Variants in NKAIN3 observed in about 807,000 individuals in gnomAD.
The protein encoded by NKAIN3 is sodium/potassium transporting ATPase interacting 3, also known as sodium/potassium-transporting ATPase subunit beta-1-interacting protein 3.
NKAIN3 carries 25 observed loss-of-function variants against 30.2 expected under a neutral mutation model. That is an observed-to-expected ratio of 0.83 (90% CI 0.60 to 1.16). The LOEUF (loss-of-function observed/expected upper bound fraction) is 1.16, where lower values mean the gene tolerates loss of function less well. Ranked by LOEUF, NKAIN3 falls within the 50% of genes most tolerant of loss-of-function variation. NKAIN3 has a pLI of 0.00. For missense variants in NKAIN3, 225 were observed against 254.1 expected (o/e 0.89, Z 0.78); for synonymous variants, 91 against 89.6 (o/e 1.02, Z -0.09).
chr8:62,743,984 A>G (rs1447466513), intron 3 of NKAIN3, among the ~76,000 whole-genome samples: 2 of 152,180 alleles, frequency 1.3e-5, no homozygotes, highest in African/African-American at 2.4e-5. Context: ...CAAGTGATAG[A>G]GTAATATTTC....
intron 3 of NKAIN3, among the ~76,000 whole-genome samples, chr8:62,698,122 T>C (rs533726149): frequency 6.6e-6 from 1 of 151,560 alleles, no homozygotes; most frequent in South Asian, 2.1e-4. Flanking sequence ...AACTGGGAAA[T>C]AGAAAAAAAA....
intron 4 of NKAIN3, among the ~76,000 whole-genome samples, chr8:62,813,915 A>G (rs1818578135): frequency 1.3e-5 from 2 of 152,020 alleles, no homozygotes; most frequent in South Asian, 4.1e-4. Flanking sequence ...TGCTGTATAT[A>G]ATATTCTTGA....
At chr8:62,641,999 G>A (rs1049196612) in intron 3 of NKAIN3, among the ~76,000 whole-genome samples, 2 of 152,002 alleles carry the variant, frequency 1.3e-5, no homozygotes, top group African/African-American at 4.8e-5. Context: ...AGAATGCTGG[G>A]ATGCAACCTG....
intron 3 of NKAIN3, among the ~76,000 whole-genome samples, chr8:62,693,329 T>A (rs1350136961): frequency 6.6e-6 from 1 of 152,232 alleles, no homozygotes; most frequent in Non-Finnish European, 1.5e-5. Flanking sequence ...ATACACCTCA[T>A]TACAAGAGGC....
At position 62,983,519 on chromosome 8, in the gene NKAIN3, A is replaced by G. The variant is rs140786857; in HGVS notation, c.*18112A>G. 1 of 152,146 alleles carries G rather than the reference A, an allele frequency of 6.6e-6. No homozygotes were observed. The highest frequency in any genetic ancestry group is 1.5e-5 in the Non-Finnish European group (1 of 68,030). The allele number at this position is 152,146 out of a possible 1,614,324, so 9.4% of individuals were successfully genotyped here. Reference sequence around the variant, plus strand: ...TTGGGGAGTGATAAAAACAAATCAAATTCACATTTTAATTTAGGGAGTTTA... The same window carrying G: ...TTGGGGAGTGATAAAAACAAATCAAGTTCACATTTTAATTTAGGGAGTTTA... On this transcript the variant is annotated 3_prime_UTR_variant, in exon 7 of 7. Coordinates refer to ENST00000623646, the MANE Select transcript of NKAIN3 (RefSeq NM_001304533.3).
intron 3 of NKAIN3, among the ~76,000 whole-genome samples, chr8:62,679,756 G>C (rs1459988596): frequency 6.6e-6 from 1 of 152,070 alleles, no homozygotes; most frequent in Non-Finnish European, 1.5e-5. Flanking sequence ...AGAATAGCAG[G>C]GGTGGTGTTA....
At chr8:62,950,171 T>A (rs558874983) in intron 5 of NKAIN3, among the ~76,000 whole-genome samples, 1 of 152,200 alleles carries the variant, frequency 6.6e-6, no homozygotes. Flanking sequence ...TTTTGTTAAG[T>A]GTTCTATTTC....
chr8:62,292,216 G>C (rs564757826), intron 1 of NKAIN3, among the ~76,000 whole-genome samples: 50 of 152,248 alleles, frequency 3.3e-4, no homozygotes, highest in African/African-American at 1.2e-3. Flanking sequence ...CTTTTAATTG[G>C]AGCATTAAGC....
chr8:62,430,367 G>T (rs1804953903), intron 1 of NKAIN3, among the ~76,000 whole-genome samples: 1 of 2,178 alleles, frequency 4.6e-4, no homozygotes, highest in East Asian at 0.028. Flanking sequence ...ATATATTGTG[G>T]TGTGTGTGTG....
intron 4 of NKAIN3, among the ~76,000 whole-genome samples, chr8:62,817,213 C>T (rs879639388): frequency 1.3e-5 from 2 of 152,084 alleles, no homozygotes; most frequent in African/African-American, 2.4e-5. Flanking sequence ...GTGCTGCATG[C>T]CTCTAGTCAG....
intron 1 of NKAIN3, among the ~76,000 whole-genome samples, chr8:62,317,406 T>G (rs1457556145): frequency 2.6e-5 from 4 of 152,220 alleles, no homozygotes; most frequent in Admixed American, 6.5e-5. Flanking sequence ...TTTATGGATT[T>G]AGGTCTAACA....
At chr8:62,911,429 G>A (rs1821922815) in intron 4 of NKAIN3, among the ~76,000 whole-genome samples, 2 of 152,190 alleles carry the variant, frequency 1.3e-5, no homozygotes, top group African/African-American at 2.4e-5. Flanking sequence ...CAACTTCCAA[G>A]ATAGAATTCG....
chr8:62,335,202 A>C (rs956971087), intron 1 of NKAIN3, among the ~76,000 whole-genome samples: 23 of 152,172 alleles, frequency 1.5e-4, no homozygotes, highest in African/African-American at 5.5e-4. Context: ...TGGGAGGCTG[A>C]GGCAGATGGA....
intron 4 of NKAIN3, among the ~76,000 whole-genome samples, chr8:62,821,746 T>G: frequency 6.6e-6 from 1 of 152,158 alleles, no homozygotes; most frequent in East Asian, 1.9e-4. Context: ...TTTCAGCTCC[T>G]GTACCCTTCT....
chr8:62,414,865 A>C (rs1804380597), intron 1 of NKAIN3, among the ~76,000 whole-genome samples: 2 of 151,664 alleles, frequency 1.3e-5, no homozygotes, highest in South Asian at 4.1e-4. Flanking sequence ...CAGAGTGAAA[A>C]TTCAGAGACT....
chr8:62,278,880 T>C (rs1488898535), intron 1 of NKAIN3, among the ~76,000 whole-genome samples: 1 of 152,188 alleles, frequency 6.6e-6, no homozygotes, highest in East Asian at 1.9e-4. Context: ...TTATAATCCT[T>C]TGGGTATATG....
chr8:62,502,958 C>G (rs1467100366), intron 1 of NKAIN3, among the ~76,000 whole-genome samples: 2 of 152,088 alleles, frequency 1.3e-5, no homozygotes, highest in African/African-American at 4.8e-5. Flanking sequence ...CAAAACAGGT[C>G]CCCAACCCCT....
intron 1 of NKAIN3, among the ~76,000 whole-genome samples, chr8:62,412,898 T>G (rs1361503735): frequency 1.6e-5 from 2 of 124,776 alleles, no homozygotes; most frequent in African/African-American, 3.1e-5. Context: ...GGTGACAGAC[T>G]GAGACTCCGT....
At chr8:62,325,990 G>A (rs1168912808) in intron 1 of NKAIN3, among the ~76,000 whole-genome samples, 1 of 151,816 alleles carries the variant, frequency 6.6e-6, no homozygotes, top group Non-Finnish European at 1.5e-5. Context: ...ATTTTGCTGT[G>A]AAATAGCTTT....
Sources: gnomAD v4.1 joint callset for allele counts (sites outside exome capture counted in the v4.1 genomes callset) on GRCh38, gnomAD v4.1.1 for gene constraint, MANE v1.5 for transcripts, NCBI Gene and HGNC (gene_info 2026-07-23, HGNC 2026-07-21) for gene names.